Variants in MYT1L observed in about 807,000 individuals in gnomAD.
The protein encoded by MYT1L is myelin transcription factor 1-like protein.
In MYT1L, 12 loss-of-function variants were observed where a neutral mutation model predicts 126.7. That is an observed-to-expected ratio of 0.09 (90% CI 0.06 to 0.15). The LOEUF (loss-of-function observed/expected upper bound fraction) is 0.15, where lower values mean the gene tolerates loss of function less well. Ranked by LOEUF, MYT1L falls within the 10% of genes least tolerant of loss-of-function variation. The probability of loss-of-function intolerance (pLI) is 1.00; values close to 1 mark genes in which losing one functional copy is unlikely to be tolerated. For missense variants in MYT1L, 979 were observed against 1,585.2 expected, an observed-to-expected ratio of 0.62 and a Z score of 6.49; for synonymous variants, 541 against 604.2, an observed-to-expected ratio of 0.90 and a Z score of 1.53.
At chr2:1,836,799 G>A (rs2040968044) in intron 21 of MYT1L, among the ~76,000 whole-genome samples, 2 of 151,840 alleles carry the variant, frequency 1.3e-5, no homozygotes, top group African/African-American at 4.8e-5. Flanking sequence ...GATCCCATCA[G>A]CCTGCACCCC....
intron 3 of MYT1L, among the ~76,000 whole-genome samples, chr2:2,084,968 T>A (rs2076211997): frequency 6.6e-6 from 1 of 152,130 alleles, no homozygotes; most frequent in South Asian, 2.1e-4. Flanking sequence ...CAAGGCTGCA[T>A]CCCCTGGCCA....
intron 18 of MYT1L, among the ~76,000 whole-genome samples, chr2:1,856,228 G>A: frequency 6.6e-6 from 1 of 152,244 alleles, no homozygotes; most frequent in East Asian, 1.9e-4. Flanking sequence ...CAGATCTGAG[G>A]CATCTGAGGA....
rs551971399 is a variant in MYT1L at position 1,902,748 on chromosome 2, G to C, written c.2032+332C>G. 1.9e-5 allele frequency: 6 copies of C among 319,504 alleles called. No individual in the cohort carries two copies. The South Asian group carries it at 2.1e-4, about 11-fold the overall frequency. 19.8% of individuals were successfully genotyped at this position (319,504 alleles called of 1,614,324 possible). A position where few individuals can be genotyped will look rare whatever the true frequency, so the allele number is the denominator to read the frequency against. Reference sequence around the variant, plus strand: ...TCAGAGGCATTTATTTAAAGGAAGCGTATAACATAAGGGCACTGTCTTCCC... The same window carrying C: ...TCAGAGGCATTTATTTAAAGGAAGCCTATAACATAAGGGCACTGTCTTCCC... On this transcript the variant is annotated intron_variant, in intron 14 of 24. Coordinates refer to ENST00000647738, the MANE Select transcript of MYT1L (RefSeq NM_001303052.2).
At chr2:2,280,498 T>A (rs2095432103) in intron 2 of MYT1L, among the ~76,000 whole-genome samples, 1 of 152,152 alleles carries the variant, frequency 6.6e-6, no homozygotes, top group South Asian at 2.1e-4. Flanking sequence ...GACTATGGGG[T>A]GCCTTTTAAA....
At chr2:2,152,686 T>C (rs1002831199) in intron 3 of MYT1L, among the ~76,000 whole-genome samples, 1 of 152,172 alleles carries the variant, frequency 6.6e-6, no homozygotes, top group Non-Finnish European at 1.5e-5. Context: ...GAGAGGGGCC[T>C]GATAATCATA....
At chr2:2,312,091 C>T (rs554631888) in intron 1 of MYT1L, among the ~76,000 whole-genome samples, 3 of 152,146 alleles carry the variant, frequency 2.0e-5, no homozygotes, top group Non-Finnish European at 4.4e-5. Context: ...CCTCTAGCTA[C>T]TGGGGTTTGG....
chr2:1,959,985 A>G (rs1196381707), intron 8 of MYT1L, among the ~76,000 whole-genome samples: 1 of 152,194 alleles, frequency 6.6e-6, no homozygotes, highest in East Asian at 1.9e-4. Flanking sequence ...CCTACTATTT[A>G]TTATCTTTTT....
intron 2 of MYT1L, among the ~76,000 whole-genome samples, chr2:2,182,789 T>G (rs1559258012): frequency 6.6e-6 from 1 of 152,304 alleles, no homozygotes; most frequent in East Asian, 1.9e-4. Flanking sequence ...CAAAGAGCAG[T>G]GCAGTCCCAG....
intron 18 of MYT1L, 139 bp from the exon 19 acceptor site, chr2:1,851,842 T>C: frequency 1.3e-6 from 1 of 790,302 alleles, no homozygotes; most frequent in Non-Finnish European, 2.1e-6. Context: ...AGCCGGAAGC[T>C]CCCTCATGGA....
rs539606886 is a variant in MYT1L at position 2,313,385 on chromosome 2, G to A, written c.-521+17582C>T. Among the ~76,000 whole-genome samples, 5 of 152,280 alleles carry A rather than the reference G, an allele frequency of 3.3e-5. No homozygotes were observed. The South Asian group carries it at 6.2e-4, about 19-fold the overall frequency. ...GGTGGGTATAGCAAGGGCTTCAGGA[G>A]TCAGTCTCTGGAGAGGAACTGGGGC... On this transcript the variant is annotated intron_variant, in intron 1 of 24. Transcript: ENST00000647738.
chr2:2,232,521 T>C (rs183370976), intron 2 of MYT1L, among the ~76,000 whole-genome samples: 25 of 152,324 alleles, frequency 1.6e-4, no homozygotes, highest in Middle Eastern at 3.4e-3. Context: ...GGTATGACAA[T>C]TACTTCTCAA....
chr2:2,141,677 C>T (rs543070536), intron 3 of MYT1L, among the ~76,000 whole-genome samples: 89 of 152,126 alleles, frequency 5.9e-4, no homozygotes, highest in Non-Finnish European at 1.1e-3. Context: ...TCTGGCATAT[C>T]AAGAGTGCTC....
intron 21 of MYT1L, among the ~76,000 whole-genome samples, chr2:1,837,823 A>G (rs1229971515): frequency 6.6e-6 from 1 of 151,840 alleles, no homozygotes; most frequent in Non-Finnish European, 1.5e-5. Context: ...AGTTCCAGAG[A>G]AGACGGGAAC....
Position 1,984,082 on chromosome 2 carries a change from G to T in MYT1L, c.1-4305C>A, listed in dbSNP as rs907621164. 3.9e-5 allele frequency among the ~76,000 whole-genome samples: 6 copies of T among 152,262 alleles called. 1 individual carries two copies. The highest frequency in any genetic ancestry group is 1.2e-4 in the African/African-American group (5 of 41,552). Reference sequence around the variant, plus strand: ...GGAGTGATTCATGAAGAGAGAGCAGGTGAATTATTTCCTAATATGAAAACT... The same window carrying T: ...GGAGTGATTCATGAAGAGAGAGCAGTTGAATTATTTCCTAATATGAAAACT... On this transcript the variant is annotated intron_variant, in intron 5 of 24. Transcript: ENST00000647738.
intron 2 of MYT1L, among the ~76,000 whole-genome samples, chr2:2,271,044 C>T (rs753520771): frequency 4.6e-5 from 7 of 152,182 alleles, no homozygotes; most frequent in Non-Finnish European, 8.8e-5. Context: ...CTTGCTGGCT[C>T]GAGAGGTCCC....
intron 9 of MYT1L, among the ~76,000 whole-genome samples, chr2:1,925,208 T>C (rs2054064410): frequency 1.3e-5 from 2 of 152,188 alleles, no homozygotes; most frequent in Non-Finnish European, 2.9e-5. Flanking sequence ...TCTCCTACAT[T>C]TCCTTTATGG....
At chr2:1,988,813 G>A (rs535024246) in intron 5 of MYT1L, among the ~76,000 whole-genome samples, 1 of 152,214 alleles carries the variant, frequency 6.6e-6, no homozygotes, top group Non-Finnish European at 1.5e-5. Flanking sequence ...ACAGGCATGA[G>A]CCACTGCGCC....
chr2:1,842,962 C>A (rs1213715698), intron 19 of MYT1L: 1 of 170,970 alleles, frequency 5.8e-6, no homozygotes, highest in Non-Finnish European at 1.2e-5. Context: ...CGCTTCCAGG[C>A]GCGCGGTGCT....
chr2:1,878,430 G>A (rs564931937), intron 18 of MYT1L, among the ~76,000 whole-genome samples: 7 of 152,214 alleles, frequency 4.6e-5, no homozygotes, highest in East Asian at 3.9e-4. Context: ...ATTCCTACAC[G>A]TTTGTTAGAA....
Sources: allele counts gnomAD v4.1 joint callset (sites outside exome capture counted in the v4.1 genomes callset), GRCh38; gene constraint gnomAD v4.1.1; transcripts MANE v1.5; gene names NCBI Gene and HGNC (gene_info 2026-07-23, HGNC 2026-07-21).